VPS13D: variants seen among roughly 807,000 people sequenced by gnomAD.
The protein encoded by VPS13D is vacuolar protein sorting 13 homolog D, also known as intermembrane lipid transfer protein VPS13D.
Under a neutral mutation model 461.9 loss-of-function variants are expected in VPS13D, and 187 were observed. The ratio of observed to expected loss-of-function variants is 0.40; its 90% CI spans 0.36 to 0.46. VPS13D has a LOEUF of 0.46. Among genes scored for constraint, VPS13D ranks in the 20% least tolerant of loss-of-function variants. VPS13D has a pLI of 0.60. For missense variants in VPS13D, 4,711 were observed against 5,364.9 expected (o/e 0.88, Z 3.81); for synonymous variants, 1,951 against 1,986.3 (o/e 0.98, Z 0.47).
At position 12,381,974 on chromosome 1, in the gene VPS13D, CTTTCTT is replaced by C. The variant is rs1178797678; in HGVS notation, c.11191-1000_11191-995del. On this transcript the variant is annotated intron_variant, in intron 57 of 69. Coordinates refer to ENST00000620676, the MANE Select transcript of VPS13D (RefSeq NM_015378.4). ...TCTTTCTTTCTTTCTTTCTTTCTTT[CTTTCTT>C]TCTCTCTCTCTCTCTCCTTCCTTCC... 4.1e-4 allele frequency among the ~76,000 whole-genome samples: 54 copies of C among 130,128 alleles called. 1 individual carries two copies. The highest frequency in any genetic ancestry group is 1.2e-3 in the African/African-American group (41 of 33,656). 85.4% of individuals were successfully genotyped at this position (130,128 alleles called of 152,430 possible).
Position 12,327,705 on chromosome 1 carries a change from T to C in VPS13D, c.8048T>C (p.Leu2683Pro). The change falls in exon 36 of 70, where the codon CTT becomes CCT. Residue 2683 changes from leucine to proline, a missense_variant. Around this residue, in one of 3 missense-constraint regions of VPS13D, gnomAD observed 4,411 missense variants for 4,937.8 expected, o/e 0.89. Transcript: ENST00000620676. ...AAGAATGCGGAACCTCTGAAGTCTC[T>C]TTCCTTGGCCTCCACCAGCCGAGAT... ...LFKNAEPLKS[L>P]SLASTSRDSP... 1 of 1,614,114 alleles carries C rather than the reference T, an allele frequency of 6.2e-7. No homozygotes were observed. Among genetic ancestry groups the C allele is most frequent in the South Asian group, 1.1e-5 (1 of 91,072 alleles).
intron 26 of VPS13D, 73 bp downstream of exon 26, chr1:12,304,801 G>T (rs1413346256): frequency 6.3e-6 from 9 of 1,421,676 alleles, no homozygotes; most frequent in Non-Finnish European, 8.8e-6. Context: ...ACTGAGGGGG[G>T]TGGGCATTGT....
chr1:12,385,207 G>C, intron 58 of VPS13D, 53 bp from the exon 59 acceptor site: 1 of 1,452,532 alleles, frequency 6.9e-7, no homozygotes, highest in Non-Finnish European at 9.6e-7. Context: ...GTTAGAATAG[G>C]TTTCAATAAG....
Position 12,277,998 on chromosome 1 carries a change from C to T in VPS13D, c.4410C>T (p.Phe1470=), listed in dbSNP as rs1428065682. 7.4e-6 allele frequency: 12 copies of T among 1,614,096 alleles called. No individual in the cohort carries two copies. The highest frequency in any genetic ancestry group is 1.6e-4 in the Middle Eastern group (1 of 6,062). The change falls in exon 19 of 70, where the codon TTC becomes TTT. Residue 1470 remains phenylalanine (F), a synonymous_variant. Transcript: ENST00000620676. ...GSANSQEEAH[F]TRHDFFESLH... is the part of the protein sequence containing the mutation. Reference sequence around the variant, plus strand: ...CCAACAGTCAGGAGGAAGCTCATTTCACACGACATGATTTCTTTGAATCTT... The same window carrying T: ...CCAACAGTCAGGAGGAAGCTCATTTTACACGACATGATTTCTTTGAATCTT...
In VPS13D at chr1:12,386,204, G is replaced by A. The variant is rs756797190; in HGVS notation, c.11504G>A (p.Gly3835Asp). The A allele has an allele frequency of 2.5e-6, 4 of 1,611,796 alleles. No homozygotes were observed. The highest frequency in any genetic ancestry group is 3.4e-6 in the Non-Finnish European group (4 of 1,179,094). Residue 3835 changes from glycine (G) to aspartate (D), a missense_variant, in exon 60 of 70, where the codon GGT becomes GAT. Physicochemically the swap from Gly to Asp is moderately conservative, Grantham distance 94. Transcript: ENST00000620676. ...QELEVLVRLE[G>D]GIGLSLINKV... ...TTTCAGGTGCTTGTGAGGTTAGAAG[G>A]TGGAATTGGGTTGTCCTTAATTAAT...
rs561279798 is a variant in VPS13D at position 12,455,529 on chromosome 1, A to C, written c.12334-469A>C. ...AAGCCTAGTGTCCTCCATTGTATGC[A>C]TCCCCCAATTGGTATGTGTCCAGTC... On this transcript the variant is annotated intron_variant, in intron 65 of 69. Transcript: ENST00000620676. Among the ~76,000 whole-genome samples, 13 of 152,358 alleles carry C rather than the reference A, an allele frequency of 8.5e-5. No homozygotes were observed. In the East Asian group the frequency reaches 2.5e-3, roughly 29 times the overall value.
chr1:12,402,868 C>A (rs1427204995), intron 62 of VPS13D, among the ~76,000 whole-genome samples: 1 of 152,202 alleles, frequency 6.6e-6, no homozygotes, highest in Non-Finnish European at 1.5e-5. Flanking sequence ...TGGGAGCTGA[C>A]TAAGGGGTTG....
chr1:12,404,139 G>T, intron 63 of VPS13D, among the ~76,000 whole-genome samples, 166 bp downstream of exon 63: 1 of 140,904 alleles, frequency 7.1e-6, no homozygotes. Context: ...TTTTCAGAAG[G>T]TTTATTGACT....
At chr1:12,415,436 T>G (rs1430131636) in intron 64 of VPS13D, among the ~76,000 whole-genome samples, 1 of 152,170 alleles carries the variant, frequency 6.6e-6, no homozygotes. Context: ...GTTTCATCCC[T>G]CAGAGCTAGT....
intron 55 of VPS13D, 68 bp from the exon 56 acceptor site, chr1:12,378,360 T>C: frequency 6.9e-7 from 1 of 1,443,424 alleles, no homozygotes; most frequent in South Asian, 1.6e-5. Context: ...AGGAAGCTCT[T>C]GAAGTGAGGA....
At chr1:12,341,597 C>T (rs1051034742) in intron 40 of VPS13D, among the ~76,000 whole-genome samples, 183 bp from the exon 41 acceptor site, 1 of 152,128 alleles carries the variant, frequency 6.6e-6, no homozygotes, top group African/African-American at 2.4e-5. Context: ...CAGGCAGGGA[C>T]CAAATTCTCC....
At chr1:12,327,541 G>T in intron 35 of VPS13D, 107 bp from the exon 36 acceptor site, 1 of 947,328 alleles carries the variant, frequency 1.1e-6, no homozygotes, top group Non-Finnish European at 1.5e-6. Context: ...AGGCTCTCTT[G>T]GCTTCCCAGT....
chr1:12,448,758 T>C (rs1299518413), intron 65 of VPS13D, among the ~76,000 whole-genome samples: 4 of 152,238 alleles, frequency 2.6e-5, no homozygotes, highest in Non-Finnish European at 4.4e-5. Flanking sequence ...GTTTTTACTT[T>C]ATAGCATACT....
Position 12,249,297 on chromosome 1 carries a change from C to T in VPS13D, c.522C>T (p.Ile174=). ...TNPSHPFAFG[I]CIKNVSMQNA... is the part of the protein sequence containing the mutation. Reference sequence around the variant, plus strand: ...CCTCCCATCCTTTTGCTTTTGGCATCTGCATTAAGAATGTGTCCATGCAAA... The same window carrying T: ...CCTCCCATCCTTTTGCTTTTGGCATTTGCATTAAGAATGTGTCCATGCAAA... Residue 174 remains isoleucine, a synonymous_variant, in exon 6 of 70, where the codon ATC becomes ATT. Coordinates refer to ENST00000620676, the MANE Select transcript of VPS13D (RefSeq NM_015378.4). 2.5e-6 allele frequency: 4 copies of T among 1,614,002 alleles called. No homozygotes were observed. The highest frequency in any genetic ancestry group is 3.4e-6 in the Non-Finnish European group (4 of 1,179,988).
At chr1:12,364,021 G>T (rs1297724570) in intron 52 of VPS13D, among the ~76,000 whole-genome samples, 2 of 143,200 alleles carry the variant, frequency 1.4e-5, no homozygotes, top group Admixed American at 7.1e-5. Flanking sequence ...CTTTCTTCTT[G>T]CTTTCATCAA....
intron 42 of VPS13D, chr1:12,344,892 G>C (rs1206922043): frequency 6.5e-6 from 1 of 153,348 alleles, no homozygotes; most frequent in East Asian, 1.9e-4. Context: ...AATGAGCGCT[G>C]TGCCTCTCCT....
intron 65 of VPS13D, among the ~76,000 whole-genome samples, chr1:12,454,359 GGT>G (rs1645299271): frequency 6.6e-6 from 1 of 151,962 alleles, no homozygotes; most frequent in African/African-American, 2.4e-5. Context: ...AGCGTCGTGT[GGT>G]GTTTCCAGTT....
intron 67 of VPS13D, among the ~76,000 whole-genome samples, chr1:12,494,822 G>C (rs906161116): frequency 3.3e-5 from 5 of 152,190 alleles, no homozygotes; most frequent in Non-Finnish European, 2.9e-5. Flanking sequence ...TTGCCTCAAT[G>C]TTGATTTTGC....
intron 63 of VPS13D, chr1:12,409,963 A>G: frequency 4.4e-6 from 2 of 453,772 alleles, no homozygotes; most frequent in South Asian, 3.1e-5. Flanking sequence ...GTGGGGAGAA[A>G]GGTGAAGAAG....
Sources: allele counts gnomAD v4.1 joint callset (sites outside exome capture counted in the v4.1 genomes callset), GRCh38; gene constraint gnomAD v4.1.1; regional missense constraint gnomAD v4.1.1; transcripts MANE v1.5; gene names NCBI Gene and HGNC (gene_info 2026-07-23, HGNC 2026-07-21).